The following PDZRN3 variants were observed in gnomAD, a reference collection of about 807,000 sequenced individuals.
PDZRN3 encodes E3 ubiquitin-protein ligase PDZRN3.
A neutral mutation model predicts 85.7 loss-of-function variants in PDZRN3; 38 were observed. The observed-to-expected ratio is 0.44, with a 90% CI of 0.34 to 0.58. The LOEUF (loss-of-function observed/expected upper bound fraction) is 0.58. Ranked by LOEUF, PDZRN3 falls within the 20% of genes least tolerant of loss-of-function variation. The probability of loss-of-function intolerance (pLI) is 0.01; values close to 1 mark genes in which losing one functional copy is unlikely to be tolerated. For synonymous variants in PDZRN3, 759 were observed against 638.0 expected (o/e 1.19, Z -2.86); for missense variants, 1,629 against 1,506.4 (o/e 1.08, Z -1.35).
At chr3:73,390,316 C>G (rs760560841) in intron 6 of PDZRN3, among the ~76,000 whole-genome samples, 1 of 152,064 alleles carries the variant, frequency 6.6e-6, no homozygotes, top group Admixed American at 6.5e-5. Context: ...ACAAGGGGGA[C>G]TGGTAAGGGG....
chr3:73,565,324 T>C (rs1701922709), intron 3 of PDZRN3, among the ~76,000 whole-genome samples: 1 of 151,516 alleles, frequency 6.6e-6, no homozygotes, highest in African/African-American at 2.4e-5. Context: ...GAGACGGGGT[T>C]TCACTATTTT....
chr3:73,386,474 G>C (rs556296891), intron 8 of PDZRN3, among the ~76,000 whole-genome samples: 1 of 152,222 alleles, frequency 6.6e-6, no homozygotes, highest in East Asian at 1.9e-4. Flanking sequence ...GATTATAGGC[G>C]TGAGCCACTG....
chr3:73,439,841 C>T (rs373121792), intron 3 of PDZRN3, among the ~76,000 whole-genome samples: 2 of 151,960 alleles, frequency 1.3e-5, no homozygotes, highest in South Asian at 2.1e-4. Context: ...CAGGTTCAAG[C>T]GATTCTCTTG....
At chr3:73,424,133 G>C (rs1372716412) in intron 3 of PDZRN3, among the ~76,000 whole-genome samples, 1 of 152,048 alleles carries the variant, frequency 6.6e-6, no homozygotes, top group Non-Finnish European at 1.5e-5. Context: ...GACTCAGAGA[G>C]AGAAAACACA....
intron 3 of PDZRN3, among the ~76,000 whole-genome samples, chr3:73,416,876 G>GTTTTTTTTTTTGTTT (rs1702095556): frequency 9.1e-6 from 1 of 110,406 alleles, no homozygotes; most frequent in African/African-American, 3.5e-5. Flanking sequence ...TTTTTTTTTG[G>GTTTTTTTTTTTGTTT]TTTTTTTTTT....
At chr3:73,516,536 C>T (rs1216697557) in intron 3 of PDZRN3, among the ~76,000 whole-genome samples, 3 of 152,206 alleles carry the variant, frequency 2.0e-5, no homozygotes, top group Non-Finnish European at 2.9e-5. Context: ...TGTAGAAACA[C>T]GTTAAGAAAG....
chr3:73,486,689 T>C (rs1213934944), intron 3 of PDZRN3, among the ~76,000 whole-genome samples: 4 of 152,252 alleles, frequency 2.6e-5, no homozygotes, highest in Non-Finnish European at 5.9e-5. Flanking sequence ...GTCAGGTCTA[T>C]GAAAGTTTCC....
Position 73,389,885 on chromosome 3 carries a change from C to T in PDZRN3, c.1354-7G>A. On this transcript the variant is annotated splice_polypyrimidine_tract_variant and splice_region_variant and intron_variant, in intron 6 of 9. Transcript: ENST00000263666. ...CAATGCTGTTAGGGTCAATCTGAAACACACATGGACCATCTCAGCGCAAAC... is the reference window on the plus strand; with the variant it reads ...CAATGCTGTTAGGGTCAATCTGAAATACACATGGACCATCTCAGCGCAAAC... 2 of 1,610,188 alleles carry T rather than the reference C, an allele frequency of 1.2e-6. No homozygotes were observed. Among genetic ancestry groups the T allele is most frequent in the Non-Finnish European group, 1.7e-6 (2 of 1,176,380 alleles).
intron 3 of PDZRN3, among the ~76,000 whole-genome samples, chr3:73,470,431 C>T (rs1226506014): frequency 6.6e-6 from 1 of 152,136 alleles, no homozygotes; most frequent in African/African-American, 2.4e-5. Context: ...CATACCAGCT[C>T]ATTTGAGCCT....
intron 3 of PDZRN3, among the ~76,000 whole-genome samples, chr3:73,431,402 A>C (rs541657438): frequency 6.6e-6 from 1 of 152,280 alleles, no homozygotes; most frequent in African/African-American, 2.4e-5. Context: ...GGAAAGGATA[A>C]AGTCTGAGCC....
chr3:73,387,871 A>G (rs550277454), intron 8 of PDZRN3, 97 bp downstream of exon 8: 27 of 634,890 alleles, frequency 4.3e-5, no homozygotes, highest in African/African-American at 4.2e-4. Context: ...AAGCACCTTC[A>G]AGTTCGCAGC....
intron 3 of PDZRN3, among the ~76,000 whole-genome samples, chr3:73,579,463 G>A (rs1348679282): frequency 2.0e-4 from 31 of 152,280 alleles, no homozygotes; most frequent in South Asian, 2.1e-4. Context: ...GTTATTTAGC[G>A]TGTTAGATAT....
At chr3:73,460,349 T>C (rs915221222) in intron 3 of PDZRN3, among the ~76,000 whole-genome samples, 1 of 152,212 alleles carries the variant, frequency 6.6e-6, no homozygotes, top group Non-Finnish European at 1.5e-5. Flanking sequence ...GATTTGTGTC[T>C]TTCATGGACA....
At chr3:73,542,500 G>A (rs1268146498) in intron 3 of PDZRN3, among the ~76,000 whole-genome samples, 1 of 152,116 alleles carries the variant, frequency 6.6e-6, no homozygotes, top group Non-Finnish European at 1.5e-5. Flanking sequence ...CTGGCCGGGT[G>A]TGGTGGCCCA....
chr3:73,561,271 C>G (rs992516190), intron 3 of PDZRN3, among the ~76,000 whole-genome samples: 1 of 152,230 alleles, frequency 6.6e-6, no homozygotes, highest in Non-Finnish European at 1.5e-5. Flanking sequence ...GGCAAACATT[C>G]TGAAAGCTGT....
chr3:73,536,383 A>C (rs1198955548), intron 3 of PDZRN3, among the ~76,000 whole-genome samples: 2 of 152,262 alleles, frequency 1.3e-5, no homozygotes, highest in African/African-American at 4.8e-5. Context: ...GATCCCCAGC[A>C]GTACTGCTTG....
chr3:73,388,083 A>AAG lies in PDZRN3; in HGVS notation c.1417-15_1417-14insCT, dbSNP rs398106035. On this transcript the variant is annotated splice_polypyrimidine_tract_variant and intron_variant, in intron 7 of 9. Transcript: ENST00000263666. The stretch of plus-strand genomic sequence containing the variant: ...TATCCCATTAATCTTTTAAAAAAAA[A>AAG]GGGGGGGTGGGGAGAGTGGGGAGAC... 200 of 907,406 alleles carry AAG rather than the reference A, an allele frequency of 2.2e-4. No individual in the cohort carries two copies. The highest frequency in any genetic ancestry group is 2.5e-4 in the South Asian group (16 of 64,896). 56.2% of individuals were successfully genotyped at this position (907,406 alleles called of 1,614,324 possible). A position where few individuals can be genotyped will look rare whatever the true frequency, so the allele number is the denominator to read the frequency against.
chr3:73,516,874 A>G (rs1160634853), intron 3 of PDZRN3, among the ~76,000 whole-genome samples: 1 of 152,216 alleles, frequency 6.6e-6, no homozygotes, highest in Non-Finnish European at 1.5e-5. Context: ...GGCTGTGCTC[A>G]TGTGCCTATG....
chr3:73,523,375 A>G (rs1575707695), intron 3 of PDZRN3, among the ~76,000 whole-genome samples: 1 of 152,344 alleles, frequency 6.6e-6, no homozygotes, highest in African/African-American at 2.4e-5. Flanking sequence ...TTATTTAGAG[A>G]TTACATAATG....
Sources: allele counts gnomAD v4.1 joint callset (sites outside exome capture counted in the v4.1 genomes callset), GRCh38; gene constraint gnomAD v4.1.1; transcripts MANE v1.5; gene names NCBI Gene and HGNC (gene_info 2026-07-23, HGNC 2026-07-21).